ANO3: variants seen among roughly 807,000 people sequenced by gnomAD.
The protein encoded by ANO3 is anoctamin 3, also known as anoctamin-3.
ANO3 carries 99 observed loss-of-function variants against 144.8 expected under a neutral mutation model. The ratio of observed to expected loss-of-function variants is 0.68; its 90% CI spans 0.58 to 0.81. The LOEUF (loss-of-function observed/expected upper bound fraction) is 0.81, where lower values mean the gene tolerates loss of function less well. Ranked by LOEUF, ANO3 falls within the 30% of genes least tolerant of loss-of-function variation. ANO3 has a pLI of 0.00. For missense variants in ANO3, 905 were observed against 1,202.2 expected, an observed-to-expected ratio of 0.75 and a Z score of 3.66; for synonymous variants, 414 against 392.6, an observed-to-expected ratio of 1.05 and a Z score of -0.64.
intron 1 of ANO3, among the ~76,000 whole-genome samples, chr11:26,332,782 A>T (rs1855089925): frequency 6.6e-6 from 1 of 152,090 alleles, no homozygotes; most frequent in South Asian, 2.1e-4. Flanking sequence ...GGAGTTCCAG[A>T]GTTGGCCTGT....
chr11:26,565,581 G>A (rs142118064), intron 14 of ANO3: 1 of 1,613,350 alleles, frequency 6.2e-7, no homozygotes, highest in Non-Finnish European at 8.5e-7. Flanking sequence ...AGAATGCTCT[G>A]CTGATGAGTT....
At chr11:26,355,011 CTTT>C (rs5790571) in intron 1 of ANO3, among the ~76,000 whole-genome samples, 1 of 148,348 alleles carries the variant, frequency 6.7e-6, no homozygotes, top group African/African-American at 2.5e-5. Context: ...AATTGTAACT[CTTT>C]TTTTTTTTCT....
chr11:26,484,305 A>C (rs776070809), intron 4 of ANO3, among the ~76,000 whole-genome samples: 19 of 152,262 alleles, frequency 1.2e-4, no homozygotes, highest in Admixed American at 5.9e-4. Context: ...TGCCAAGACA[A>C]TGGGGAAAAT....
chr11:26,293,713 T>A (rs1180977292), intron 1 of ANO3, among the ~76,000 whole-genome samples: 1 of 151,782 alleles, frequency 6.6e-6, no homozygotes, highest in East Asian at 1.9e-4. Flanking sequence ...AAATCCATCA[T>A]TTTACAGATG....
chr11:26,660,578 A>G lies in ANO3; in HGVS notation c.*134A>G. 1 of 735,262 alleles carries G rather than the reference A, an allele frequency of 1.4e-6. No individual in the cohort carries two copies. The highest frequency in any genetic ancestry group is 2.1e-6 in the Non-Finnish European group (1 of 470,140). 45.5% of individuals were successfully genotyped at this position (735,262 alleles called of 1,614,324 possible). Reference sequence around the variant, plus strand: ...ATAATATGCTACTTGGAAATGTATCACAGCCATCTCTGGGATTTGAAATAT... The same window carrying G: ...ATAATATGCTACTTGGAAATGTATCGCAGCCATCTCTGGGATTTGAAATAT... On this transcript the variant is annotated 3_prime_UTR_variant, in exon 27 of 27. Transcript: ENST00000256737.
At chr11:26,517,193 A>G (rs899865783) in intron 6 of ANO3, among the ~76,000 whole-genome samples, 4 of 151,972 alleles carry the variant, frequency 2.6e-5, no homozygotes, top group African/African-American at 9.7e-5. Flanking sequence ...ACTTACAACA[A>G]TTCCCAAGAT....
chr11:26,604,914 T>C, intron 17 of ANO3, among the ~76,000 whole-genome samples: 1 of 152,188 alleles, frequency 6.6e-6, no homozygotes, highest in East Asian at 1.9e-4. Context: ...TGTTTCATTG[T>C]TTTGCCTGAT....
chr11:26,559,665 TG>T, intron 13 of ANO3, 53 bp from the exon 14 acceptor site: 1 of 1,304,752 alleles, frequency 7.7e-7, no homozygotes, highest in East Asian at 2.3e-5. Context: ...CAGTATTCAC[TG>T]GCTTATTATA....
intron 21 of ANO3, among the ~76,000 whole-genome samples, chr11:26,640,235 T>G (rs1853105587): frequency 6.6e-6 from 1 of 152,228 alleles, no homozygotes; most frequent in African/African-American, 2.4e-5. Context: ...CTTAGGCTTT[T>G]TTAGTCCATT....
At chr11:26,299,475 T>C (rs556730485) in intron 1 of ANO3, among the ~76,000 whole-genome samples, 32 of 152,254 alleles carry the variant, frequency 2.1e-4, no homozygotes, top group Admixed American at 8.5e-4. Context: ...TGTGGACTAG[T>C]GGAGCAAAAG....
intron 4 of ANO3, among the ~76,000 whole-genome samples, chr11:26,498,451 C>A (rs1163247779): frequency 6.6e-6 from 1 of 151,092 alleles, no homozygotes; most frequent in Non-Finnish European, 1.5e-5. Flanking sequence ...ATTATTTACT[C>A]CCAAATTCAT....
At chr11:26,529,955 G>A (rs1463106185) in intron 7 of ANO3, among the ~76,000 whole-genome samples, 1 of 152,056 alleles carries the variant, frequency 6.6e-6, no homozygotes, top group Non-Finnish European at 1.5e-5. Context: ...TGCTAAACCC[G>A]TTACTCAAAG....
intron 11 of ANO3, among the ~76,000 whole-genome samples, chr11:26,543,729 A>G (rs1849704916): frequency 6.6e-6 from 1 of 151,942 alleles, no homozygotes; most frequent in South Asian, 2.1e-4. Flanking sequence ...TGTCCTTGAG[A>G]TAGTTTGCTC....
chr11:26,432,825 C>T (rs113522649), intron 1 of ANO3, among the ~76,000 whole-genome samples: 1,651 of 152,228 alleles, frequency 0.011, 34 homozygotes, highest in African/African-American at 0.037. Context: ...AGTTTGAAGT[C>T]GGGTAACATG....
intron 17 of ANO3, among the ~76,000 whole-genome samples, chr11:26,604,764 T>G (rs1851889734): frequency 6.6e-6 from 1 of 152,164 alleles, no homozygotes. Context: ...CATATTGATT[T>G]TGTACCCTAA....
intron 4 of ANO3, among the ~76,000 whole-genome samples, chr11:26,496,045 C>T (rs1860924859): frequency 2.0e-5 from 3 of 152,146 alleles, no homozygotes; most frequent in Non-Finnish European, 4.4e-5. Flanking sequence ...AAATAGTAGG[C>T]TTTGACCAAG....
At chr11:26,624,525 CT>C in intron 18 of ANO3, 27 bp downstream of exon 18, 1 of 1,561,136 alleles carries the variant, frequency 6.4e-7, no homozygotes, top group South Asian at 1.1e-5. Context: ...TACTTCACTC[CT>C]TAGTCAGAAA....
chr11:26,325,910 G>C (rs1317462140), intron 1 of ANO3, among the ~76,000 whole-genome samples: 1 of 152,128 alleles, frequency 6.6e-6, no homozygotes, highest in Admixed American at 6.5e-5. Context: ...TTACAGGTTA[G>C]AGACCTAGAT....
intron 4 of ANO3, among the ~76,000 whole-genome samples, chr11:26,465,152 G>C (rs767186950): frequency 0.065 from 9,775 of 150,538 alleles, 493 homozygotes; most frequent in African/African-American, 0.14. Context: ...GTGTGTGTGT[G>C]TGTGTGTGTC....
Sources: allele counts gnomAD v4.1 joint callset (sites outside exome capture counted in the v4.1 genomes callset), GRCh38; gene constraint gnomAD v4.1.1; transcripts MANE v1.5; gene names NCBI Gene and HGNC (gene_info 2026-07-23, HGNC 2026-07-21).